Variants in HSPA12B observed in about 807,000 individuals in gnomAD.
HSPA12B encodes heat shock protein family A (Hsp70) member 12B, also known as heat shock 70 kDa protein 12B.
Under a neutral mutation model 69.3 loss-of-function variants are expected in HSPA12B, and 54 were observed. The observed-to-expected ratio is 0.78, with a 90% CI of 0.63 to 0.98. The LOEUF is 0.98. Among genes scored for constraint, HSPA12B ranks in the 50% least tolerant of loss-of-function variants. HSPA12B has a pLI of 0.00. For synonymous variants in HSPA12B, 441 were observed against 436.5 expected, an observed-to-expected ratio of 1.01 and a Z score of -0.13; for missense variants, 929 against 999.8, an observed-to-expected ratio of 0.93 and a Z score of 0.96.
chr20:3,741,391 G>C (rs6052052), intron 3 of HSPA12B, among the ~76,000 whole-genome samples: 2,686 of 152,208 alleles, frequency 0.018, 76 homozygotes, highest in African/African-American at 0.061. Context: ...CAGCACTTTG[G>C]GAGGCCGAGG....
At position 3,749,877 on chromosome 20, in the gene HSPA12B, G is replaced by A. The variant is rs62206555; in HGVS notation, c.1042+23G>A. 395,331 of 1,571,356 alleles carry A rather than the reference G, an allele frequency of 0.25. 51,968 individuals carry two copies. The highest frequency in any genetic ancestry group is 0.3 in the Middle Eastern group (1,698 of 5,714). On this transcript the variant is annotated intron_variant, in intron 10 of 12. Coordinates refer to ENST00000254963, the MANE Select transcript of HSPA12B (RefSeq NM_052970.5). The surrounding 1 kb of genome is among the most constrained non-coding windows in gnomAD (Gnocchi z 5.5). ...CTGGTGAGTAGCCAGGCGGCGCCCC[G>A]GTACCCAGCGCGACCCGGGCTCCGG...
chr20:3,743,184 CT>C (rs61614564), intron 4 of HSPA12B, among the ~76,000 whole-genome samples: 1,995 of 139,214 alleles, frequency 0.014, 36 homozygotes, highest in Non-Finnish European at 0.023. Context: ...CCAACCTGGC[CT>C]TTTTTTTTTT....
rs773836499 is a variant in HSPA12B at position 3,744,376 on chromosome 20, A to G, written c.267-526A>G. Among the ~76,000 whole-genome samples the G allele has an allele frequency of 3.3e-5, 5 of 152,204 alleles. No individual in the cohort carries two copies. Among genetic ancestry groups the G allele is most frequent in the African/African-American group, 4.8e-5 (2 of 41,442 alleles). On this transcript the variant is annotated intron_variant, in intron 4 of 12. Coordinates refer to ENST00000254963, the MANE Select transcript of HSPA12B (RefSeq NM_052970.5). This position sits in a 1 kb window ranked among gnomAD's most constrained non-coding sequence, Gnocchi z 4.9. ...CTGAGGCCATGCTGGGGCTAAGGACACATCCAGGAACACTGTCTCTGTCCT... is the reference window on the plus strand; with the variant it reads ...CTGAGGCCATGCTGGGGCTAAGGACGCATCCAGGAACACTGTCTCTGTCCT...
chr20:3,742,512 CCTG>C, intron 4 of HSPA12B, 104 bp downstream of exon 4: 2 of 889,776 alleles, frequency 2.2e-6, no homozygotes, highest in Non-Finnish European at 1.7e-6. Flanking sequence ...CCTTGGAGGC[CCTG>C]CCACCCCCAG....
At chr20:3,750,258 G>A (rs2088391012) in intron 11 of HSPA12B, 31 bp downstream of exon 11, 7 of 1,557,480 alleles carry the variant, frequency 4.5e-6, no homozygotes, top group Non-Finnish European at 6.1e-6. Context: ...CTCAGGCAGG[G>A]TTTGCCGACC....
chr20:3,735,181 C>A (rs2088089267), intron 1 of HSPA12B, among the ~76,000 whole-genome samples: 1 of 152,194 alleles, frequency 6.6e-6, no homozygotes, highest in Non-Finnish European at 1.5e-5. Flanking sequence ...CAAACCTGCC[C>A]AACTCCCTGC....
rs2088182336 is a variant in HSPA12B at position 3,740,563 on chromosome 20, G to T, written c.44-252G>T. On this transcript the variant is annotated intron_variant, in intron 2 of 12. Transcript: ENST00000254963. This position sits in a 1 kb window ranked among gnomAD's most constrained non-coding sequence, Gnocchi z 4.9. The stretch of plus-strand genomic sequence containing the variant: ...CACTGTGTGTCTGAGGGGCCCTAGT[G>T]GGGAGACAGTGAGCTCCTGGGGAAA... Among the ~76,000 whole-genome samples, 1 of 152,156 alleles carries T rather than the reference G, an allele frequency of 6.6e-6. No individual in the cohort carries two copies. The highest frequency in any genetic ancestry group is 2.4e-5 in the African/African-American group (1 of 41,426).
At position 3,750,854 on chromosome 20, in the gene HSPA12B, A is replaced by G. The variant is rs2088406312; in HGVS notation, c.1352A>G (p.Glu451Gly). The change falls in exon 12 of 13, where the codon GAA (glutamate) becomes GGA (glycine). Residue 451 changes from glutamate (E) to glycine (G), a missense_variant. Around this residue, in one of 3 missense-constraint regions of HSPA12B, gnomAD observed 448 missense variants for 448.1 expected, o/e 1.00. Transcript: ENST00000254963. ...CAGGGGATGCTCCGAATGTCTTGTG[A>G]AGCCATGAACGAGCTCTTTCAGCCC... is the stretch of plus-strand genomic sequence containing the variant. ...SSQGMLRMSC[E>G]AMNELFQPTV... 1 of 1,614,008 alleles carries G rather than the reference A, an allele frequency of 6.2e-7. No individual in the cohort carries two copies. The highest frequency in any genetic ancestry group is 8.5e-7 in the Non-Finnish European group (1 of 1,180,036).
At position 3,753,012 on chromosome 20, in the gene HSPA12B, A is replaced by T. The variant is rs1056199310; in HGVS notation, c.*846A>T. 5 of 153,332 alleles carry T rather than the reference A, an allele frequency of 3.3e-5. No homozygotes were observed. The highest frequency in any genetic ancestry group is 1.2e-4 in the African/African-American group (5 of 41,424). The allele number at this position is 153,332 out of a possible 1,614,324, so 9.5% of individuals were successfully genotyped here. On this transcript the variant is annotated 3_prime_UTR_variant, in exon 13 of 13. Transcript: ENST00000254963. Reference sequence around the variant, plus strand: ...TACCGCTCATGGGCCTCAGTTTCCTAAAGTGTGAAATGTCAGGCACTTCCC... The same window carrying T: ...TACCGCTCATGGGCCTCAGTTTCCTTAAGTGTGAAATGTCAGGCACTTCCC...
At position 3,744,807 on chromosome 20, in the gene HSPA12B, C is replaced by G; in HGVS notation, c.267-95C>G. The G allele has an allele frequency of 8.3e-7, 1 of 1,208,126 alleles. No homozygotes were observed. Among genetic ancestry groups the G allele is most frequent in the Non-Finnish European group, 1.2e-6 (1 of 849,470 alleles). The allele number at this position is 1,208,126 out of a possible 1,614,324, so 74.8% of individuals were successfully genotyped here. A position where few individuals can be genotyped will look rare whatever the true frequency, so the allele number is the denominator to read the frequency against. On this transcript the variant is annotated intron_variant, in intron 4 of 12. Transcript: ENST00000254963. The surrounding 1 kb of genome is among the most constrained non-coding windows in gnomAD (Gnocchi z 4.9). ...CGACCCATAGCTAGTTCTCCCTGCT[C>G]TTTCACATCTGTAAGTTTTTGCACA...
chr20:3,735,522 A>G (rs960010460), intron 1 of HSPA12B, among the ~76,000 whole-genome samples: 7 of 150,708 alleles, frequency 4.6e-5, no homozygotes, highest in Non-Finnish European at 7.4e-5. Flanking sequence ...CTGGAGTGCA[A>G]TGGCGCGATC....
intron 7 of HSPA12B, among the ~76,000 whole-genome samples, chr20:3,747,574 C>T (rs1226560138): frequency 3.9e-5 from 6 of 152,222 alleles, no homozygotes; most frequent in Non-Finnish European, 7.3e-5. Flanking sequence ...CCATAATATA[C>T]TTCCCACAGG....
At chr20:3,738,200 C>A (rs2088138342) in intron 1 of HSPA12B, among the ~76,000 whole-genome samples, 1 of 152,210 alleles carries the variant, frequency 6.6e-6, no homozygotes, top group South Asian at 2.1e-4. Context: ...CAACTTTGAC[C>A]TTCCTAGCAC....
Position 3,749,736 on chromosome 20 carries a change from G to T in HSPA12B, c.938-14G>T, listed in dbSNP as rs752789517. 1 of 1,560,102 alleles carries T rather than the reference G, an allele frequency of 6.4e-7. No homozygotes were observed. Among genetic ancestry groups the T allele is most frequent in the Non-Finnish European group, 8.7e-7 (1 of 1,156,068 alleles). Reference sequence around the variant, plus strand: ...AGGCCGCCCACGAGTGTGTGCCCGCGCTCGCCGCCGCAGGAGACCGCTACG... The same window carrying T: ...AGGCCGCCCACGAGTGTGTGCCCGCTCTCGCCGCCGCAGGAGACCGCTACG... On this transcript the variant is annotated splice_polypyrimidine_tract_variant and intron_variant, in intron 9 of 12. Coordinates refer to ENST00000254963, the MANE Select transcript of HSPA12B (RefSeq NM_052970.5). This position sits in a 1 kb window ranked among gnomAD's most constrained non-coding sequence, Gnocchi z 5.5.
intron 1 of HSPA12B, among the ~76,000 whole-genome samples, chr20:3,736,242 T>C (rs1052006479): frequency 7.9e-5 from 12 of 152,210 alleles, no homozygotes; most frequent in Non-Finnish European, 1.3e-4. Flanking sequence ...TCCCCCTCTC[T>C]GTGCTTTCCC....
Position 3,751,865 on chromosome 20 carries a change from G to A in HSPA12B, c.1760G>A (p.Gly587Asp), listed in dbSNP as rs982095818. Residue 587 changes from glycine to aspartate, a missense_variant, in exon 13 of 13, where the codon GGC (glycine) becomes GAC (aspartate). By Grantham distance (94) the Gly-to-Asp change is moderately conservative (BLOSUM62 -1). Transcript: ENST00000254963. ...GCCGCCGAGCAGTCGGTGGCCCTGG[G>A]CGAGGAGGTGCGGCGCAGCTACTGC... The part of the protein sequence containing the change: ...FVAAEQSVAL[G>D]EEVRRSYCPA... 1.3e-6 allele frequency: 2 copies of A among 1,555,536 alleles called. No homozygotes were observed. Among genetic ancestry groups the A allele is most frequent in the East Asian group, 2.4e-5 (1 of 41,932 alleles).
chr20:3,739,713 C>T (rs761455782), intron 2 of HSPA12B, among the ~76,000 whole-genome samples: 9 of 152,216 alleles, frequency 5.9e-5, no homozygotes, highest in South Asian at 2.1e-4. Flanking sequence ...CCTGGCCCTT[C>T]GCCTGTGTTC....
chr20:3,742,882 G>GTTT (rs369009157), intron 4 of HSPA12B, among the ~76,000 whole-genome samples: 74 of 146,272 alleles, frequency 5.1e-4, no homozygotes, highest in East Asian at 2.2e-3. Context: ...GGGGTTTTTT[G>GTTT]TTTTTTTTTG....
rs1401621907 is a variant in HSPA12B, at chr20:3,737,609, C to T, written c.-17-1049C>T. ...ATCTCTTGGTACAATCTTCATGAGA[C>T]CATGAGGCATCTCAGTCTCCTGGGC... On this transcript the variant is annotated intron_variant, in intron 1 of 12. Coordinates refer to ENST00000254963, the MANE Select transcript of HSPA12B (RefSeq NM_052970.5). The surrounding 1 kb of genome is among the most constrained non-coding windows in gnomAD (Gnocchi z 4.1). Among the ~76,000 whole-genome samples, 1 of 152,162 alleles carries T rather than the reference C, an allele frequency of 6.6e-6. No homozygotes were observed. Among genetic ancestry groups the T allele is most frequent in the African/African-American group, 2.4e-5 (1 of 41,436 alleles).
Sources: allele counts gnomAD v4.1 joint callset (sites outside exome capture counted in the v4.1 genomes callset), GRCh38; gene constraint gnomAD v4.1.1; regional missense constraint gnomAD v4.1.1; non-coding constraint Gnocchi (gnomAD v3.1); transcripts MANE v1.5; gene names NCBI Gene and HGNC (gene_info 2026-07-23, HGNC 2026-07-21).